Variants in TTC27 observed in about 807,000 individuals in gnomAD.
TTC27 encodes the protein tetratricopeptide repeat protein 27.
Under a neutral mutation model 115.9 loss-of-function variants are expected in TTC27, and 79 were observed. That is an observed-to-expected ratio of 0.68 (90% CI 0.57 to 0.82). TTC27 has a LOEUF of 0.82. Ranked by LOEUF, TTC27 falls within the 40% of genes least tolerant of loss-of-function variation. The pLI, the probability that TTC27 is intolerant of heterozygous loss-of-function variation, is 0.00. For missense variants in TTC27, 1,054 were observed against 993.1 expected, an observed-to-expected ratio of 1.06 and a Z score of -0.82; for synonymous variants, 401 against 356.0, an observed-to-expected ratio of 1.13 and a Z score of -1.42.
At chr2:32,699,984 G>C (rs1447990111) in intron 9 of TTC27, among the ~76,000 whole-genome samples, 2 of 152,170 alleles carry the variant, frequency 1.3e-5, no homozygotes, top group Non-Finnish European at 2.9e-5. Context: ...TTTTAAAGGT[G>C]AGTTTTAACT....
At chr2:32,636,145 C>T in intron 3 of TTC27, among the ~76,000 whole-genome samples, 1 of 152,258 alleles carries the variant, frequency 6.6e-6, no homozygotes, top group East Asian at 1.9e-4. Context: ...ATTAGAAATC[C>T]ACCAAACAGC....
chr2:32,739,886 T>A (rs540606279), intron 12 of TTC27, among the ~76,000 whole-genome samples: 1 of 152,374 alleles, frequency 6.6e-6, no homozygotes, highest in South Asian at 2.1e-4. Context: ...ATCCTTGCAT[T>A]TAATGCTTAA....
intron 10 of TTC27, among the ~76,000 whole-genome samples, chr2:32,716,665 A>AT (rs1324236147): frequency 6.6e-6 from 1 of 151,510 alleles, no homozygotes; most frequent in African/African-American, 2.4e-5. Context: ...CTATTGGGTA[A>AT]TTTTTATCAT....
At chr2:32,629,072 T>C (rs889462930) in intron 1 of TTC27, among the ~76,000 whole-genome samples, 5 of 148,412 alleles carry the variant, frequency 3.4e-5, no homozygotes, top group Non-Finnish European at 7.5e-5. Context: ...GGTTAAGTAA[T>C]TTATTTAAGG....
intron 10 of TTC27, among the ~76,000 whole-genome samples, chr2:32,723,534 A>G (rs1161731713): frequency 3.3e-5 from 5 of 152,122 alleles, no homozygotes; most frequent in Non-Finnish European, 5.9e-5. Context: ...GTACAGTGCT[A>G]TGATTTAACG....
At chr2:32,762,312 T>A (rs1669467307) in intron 13 of TTC27, among the ~76,000 whole-genome samples, 1 of 132,558 alleles carries the variant, frequency 7.5e-6, no homozygotes, top group Non-Finnish European at 1.7e-5. Context: ...TGTGTGTGTG[T>A]GTGTGTGTGT....
chr2:32,792,498 G>GTTT (rs145134703), intron 16 of TTC27, among the ~76,000 whole-genome samples: 2 of 150,958 alleles, frequency 1.3e-5, no homozygotes, highest in African/African-American at 4.9e-5. Context: ...TTGTTTTTTG[G>GTTT]TTTTTTTTTG....
chr2:32,653,700 G>A (rs1403139365), intron 5 of TTC27, among the ~76,000 whole-genome samples: 7 of 151,810 alleles, frequency 4.6e-5, no homozygotes, highest in Admixed American at 4.6e-4. Flanking sequence ...GTTATTGAAT[G>A]TACTAAATGT....
intron 15 of TTC27, among the ~76,000 whole-genome samples, chr2:32,784,801 C>T (rs932265523): frequency 1.1e-4 from 16 of 152,120 alleles, no homozygotes; most frequent in Admixed American, 9.2e-4. Context: ...TTGTTGAGTT[C>T]ACCCCCAACC....
chr2:32,798,378 C>T (rs371436002), intron 16 of TTC27, among the ~76,000 whole-genome samples: 7 of 148,566 alleles, frequency 4.7e-5, no homozygotes, highest in East Asian at 2.0e-4. Flanking sequence ...CCAGCCTGGG[C>T]GACAGAGCGC....
intron 12 of TTC27, among the ~76,000 whole-genome samples, chr2:32,743,590 A>C (rs1416035028): frequency 6.6e-6 from 1 of 152,186 alleles, no homozygotes; most frequent in Admixed American, 6.5e-5. Context: ...TGAAATTCTC[A>C]GTTCTCAACA....
At chr2:32,752,979 T>C (rs1474823411) in intron 12 of TTC27, among the ~76,000 whole-genome samples, 1 of 152,200 alleles carries the variant, frequency 6.6e-6, no homozygotes, top group Non-Finnish European at 1.5e-5. Context: ...ACAGCAATCA[T>C]TTGTTTCCCT....
At chr2:32,733,116 A>G (rs1226733641) in intron 10 of TTC27, among the ~76,000 whole-genome samples, 1 of 152,220 alleles carries the variant, frequency 6.6e-6, no homozygotes, top group East Asian at 1.9e-4. Flanking sequence ...TCATTTGACC[A>G]CTGGATAGCT....
In TTC27 at chr2:32,635,536, T is replaced by C. The variant is rs534132937; in HGVS notation, c.396+1531T>C. Among the ~76,000 whole-genome samples the C allele has an allele frequency of 9.2e-5, 14 of 151,998 alleles. No individual in the cohort carries two copies. In the South Asian group the frequency reaches 2.9e-3, roughly 32 times the overall value. On this transcript the variant is annotated intron_variant, in intron 3 of 19. Coordinates refer to ENST00000317907, the MANE Select transcript of TTC27 (RefSeq NM_017735.5). ...TCCGTCTTACTAAAAATACAAAAAT[T>C]AGCCGGGTGTGGTGGTGCACGCTTG...
chr2:32,775,060 A>T (rs1669947785), intron 13 of TTC27, among the ~76,000 whole-genome samples: 1 of 152,272 alleles, frequency 6.6e-6, no homozygotes, highest in Non-Finnish European at 1.5e-5. Context: ...AATTAAAAAT[A>T]AAAGATAACC....
At chr2:32,663,975 G>A (rs922622175) in intron 5 of TTC27, among the ~76,000 whole-genome samples, 7 of 149,266 alleles carry the variant, frequency 4.7e-5, no homozygotes, top group African/African-American at 1.5e-4. Context: ...GAGCCACTGC[G>A]CCCGTCCCCC....
intron 14 of TTC27, among the ~76,000 whole-genome samples, chr2:32,778,593 TA>T (rs1267192306): frequency 1.3e-5 from 2 of 152,228 alleles, no homozygotes; most frequent in African/African-American, 4.8e-5. Flanking sequence ...AATGGATTCA[TA>T]CTTTTTGTGG....
In TTC27 at chr2:32,704,435, G is replaced by A. The variant is rs187644616; in HGVS notation, c.1233+1515G>A. ...ACTCCTGGCCTCCAGTGATCTGCCCGCCTCTGCCTCCCAAAGTGCTAGGAT... is the reference window on the plus strand; with the variant it reads ...ACTCCTGGCCTCCAGTGATCTGCCCACCTCTGCCTCCCAAAGTGCTAGGAT... On this transcript the variant is annotated intron_variant, in intron 10 of 19. Coordinates refer to ENST00000317907, the MANE Select transcript of TTC27 (RefSeq NM_017735.5). 5.3e-5 allele frequency among the ~76,000 whole-genome samples: 8 copies of A among 152,136 alleles called. No homozygotes were observed. The East Asian group carries it at 1.2e-3, about 22-fold the overall frequency.
chr2:32,697,099 G>T (rs1667012846), intron 9 of TTC27, among the ~76,000 whole-genome samples: 1 of 152,036 alleles, frequency 6.6e-6, no homozygotes, highest in African/African-American at 2.4e-5. Flanking sequence ...GGCTGAGGCA[G>T]GAGAATCACT....
Sources: allele counts gnomAD v4.1 joint callset (sites outside exome capture counted in the v4.1 genomes callset), GRCh38; gene constraint gnomAD v4.1.1; transcripts MANE v1.5; gene names NCBI Gene and HGNC (gene_info 2026-07-23, HGNC 2026-07-21).